The following CNTNAP2 variants were observed in gnomAD, a reference collection of about 807,000 sequenced individuals.
The protein encoded by CNTNAP2 is contactin associated protein 2.
A neutral mutation model predicts 155.2 loss-of-function variants in CNTNAP2; 98 were observed. The ratio of observed to expected loss-of-function variants is 0.63; its 90% CI spans 0.54 to 0.75. The LOEUF is 0.75. Ranked by LOEUF, CNTNAP2 falls within the 30% of genes least tolerant of loss-of-function variation. The probability of loss-of-function intolerance (pLI) is 0.00; values close to 1 mark genes in which losing one functional copy is unlikely to be tolerated. For missense variants in CNTNAP2, 1,727 were observed against 1,688.1 expected (o/e 1.02, Z -0.40); for synonymous variants, 651 against 631.2 (o/e 1.03, Z -0.47).
At chr7:147,692,732 ATAG>A (rs1484709489) in intron 13 of CNTNAP2, among the ~76,000 whole-genome samples, 1 of 151,896 alleles carries the variant, frequency 6.6e-6, no homozygotes, top group Non-Finnish European at 1.5e-5. Context: ...TTTTTTCGGT[ATAG>A]TTTGGATGAC....
intron 1 of CNTNAP2, among the ~76,000 whole-genome samples, chr7:146,496,389 G>A (rs564212806): frequency 2.0e-5 from 3 of 152,268 alleles, no homozygotes; most frequent in African/African-American, 7.2e-5. Flanking sequence ...TACATTCACC[G>A]ATTTAGCAAA....
chr7:147,141,779 A>AT (rs1801602747), intron 8 of CNTNAP2, among the ~76,000 whole-genome samples: 1 of 152,132 alleles, frequency 6.6e-6, no homozygotes, highest in South Asian at 2.1e-4. Context: ...GACATCAATG[A>AT]TGTCCTTATC....
At chr7:148,263,234 C>G (rs1223664324) in intron 20 of CNTNAP2, 2 of 152,110 alleles carry the variant, frequency 1.3e-5, no homozygotes, top group African/African-American at 4.8e-5. Context: ...CCTAACTGAG[C>G]AGGTAATTTG....
At chr7:148,222,848 T>G (rs1340222163) in intron 19 of CNTNAP2, among the ~76,000 whole-genome samples, 1 of 152,224 alleles carries the variant, frequency 6.6e-6, no homozygotes, top group Non-Finnish European at 1.5e-5. Context: ...GATGGTGGCC[T>G]GTAGAGCTGG....
chr7:146,570,355 T>A (rs1386184556), intron 1 of CNTNAP2, among the ~76,000 whole-genome samples: 2 of 152,186 alleles, frequency 1.3e-5, no homozygotes, highest in African/African-American at 4.8e-5. Context: ...GATATTTTGG[T>A]CCCACTATTC....
At chr7:146,876,926 A>G (rs886549869) in intron 3 of CNTNAP2, among the ~76,000 whole-genome samples, 17 of 152,146 alleles carry the variant, frequency 1.1e-4, no homozygotes, top group Non-Finnish European at 2.4e-4. Flanking sequence ...CTTAGTGCAA[A>G]AATCATTTTA....
chr7:146,248,446 G>A (rs971305197), intron 1 of CNTNAP2, among the ~76,000 whole-genome samples: 1 of 152,162 alleles, frequency 6.6e-6, no homozygotes, highest in East Asian at 1.9e-4. Flanking sequence ...CGCATCCCTG[G>A]AATGATTAAA....
chr7:147,256,388 A>G (rs1428415651), intron 8 of CNTNAP2, among the ~76,000 whole-genome samples: 3 of 152,116 alleles, frequency 2.0e-5, no homozygotes, highest in Non-Finnish European at 2.9e-5. Flanking sequence ...TCATTTAGGG[A>G]CATTTAACAT....
intron 1 of CNTNAP2, among the ~76,000 whole-genome samples, chr7:146,401,942 TA>T (rs1348493642): frequency 6.6e-6 from 1 of 152,202 alleles, no homozygotes; most frequent in Non-Finnish European, 1.5e-5. Flanking sequence ...TTAAGAAATA[TA>T]TTTCTCATAT....
intron 2 of CNTNAP2, among the ~76,000 whole-genome samples, chr7:146,804,317 T>C (rs1802931223): frequency 6.6e-6 from 1 of 152,208 alleles, no homozygotes; most frequent in African/African-American, 2.4e-5. Context: ...TTATTGATCA[T>C]GCTCATTTAT....
At chr7:146,308,557 A>G (rs962381201) in intron 1 of CNTNAP2, among the ~76,000 whole-genome samples, 3 of 151,492 alleles carry the variant, frequency 2.0e-5, no homozygotes, top group African/African-American at 7.2e-5. Context: ...TATTCACAAT[A>G]GCAAAGACTT....
At position 148,066,180 on chromosome 7, in the gene CNTNAP2, A is replaced by G. The variant is rs139425034; in HGVS notation, c.2384-51938A>G. 5.4e-3 allele frequency among the ~76,000 whole-genome samples: 815 copies of G among 152,296 alleles called. 6 individuals carry two copies. The highest frequency in any genetic ancestry group is 0.02 in the Middle Eastern group (6 of 294). On this transcript the variant is annotated intron_variant, in intron 15 of 23. Transcript: ENST00000361727. ...GTTAATCTGATAGGTTTTCCTTTACAGGTTACCTGATGTTTTTGCCTCACA... is the reference window on the plus strand; with the variant it reads ...GTTAATCTGATAGGTTTTCCTTTACGGGTTACCTGATGTTTTTGCCTCACA...
intron 1 of CNTNAP2, among the ~76,000 whole-genome samples, chr7:146,148,654 A>G (rs547702836): frequency 6.6e-6 from 1 of 152,306 alleles, no homozygotes; most frequent in African/African-American, 2.4e-5. Context: ...GTTTTTTATC[A>G]TTTGTCAACA....
intron 3 of CNTNAP2, among the ~76,000 whole-genome samples, chr7:146,963,792 A>G (rs966882611): frequency 6.6e-6 from 1 of 152,210 alleles, no homozygotes; most frequent in African/African-American, 2.4e-5. Flanking sequence ...AAGCATTGCT[A>G]TCTGAGTAGA....
At chr7:147,364,095 T>A (rs886706609) in intron 9 of CNTNAP2, among the ~76,000 whole-genome samples, 10 of 152,314 alleles carry the variant, frequency 6.6e-5, no homozygotes, top group Middle Eastern at 3.4e-3. Flanking sequence ...GGTTAACAGA[T>A]TTTAAGATAT....
At chr7:147,662,840 G>A (rs1207291985) in intron 13 of CNTNAP2, among the ~76,000 whole-genome samples, 5 of 152,172 alleles carry the variant, frequency 3.3e-5, no homozygotes, top group Admixed American at 6.5e-5. Flanking sequence ...TACAACCAAC[G>A]AAAGCCGACA....
chr7:147,943,510 G>C (rs1048085090), intron 14 of CNTNAP2, among the ~76,000 whole-genome samples: 3 of 152,008 alleles, frequency 2.0e-5, no homozygotes, highest in African/African-American at 7.2e-5. Context: ...GCTCACGCTT[G>C]TAAATCCCAG....
chr7:146,903,629 A>G (rs1274684980), intron 3 of CNTNAP2, among the ~76,000 whole-genome samples: 1 of 152,146 alleles, frequency 6.6e-6, no homozygotes, highest in Non-Finnish European at 1.5e-5. Flanking sequence ...TCCTGTTGCA[A>G]TCTCCTTTAG....
chr7:146,548,413 T>C (rs774264553), intron 1 of CNTNAP2, among the ~76,000 whole-genome samples: 1 of 152,032 alleles, frequency 6.6e-6, no homozygotes, highest in African/African-American at 2.4e-5. Flanking sequence ...TTGTGAATAG[T>C]GCTGCAAAGA....
Sources: gnomAD v4.1 joint callset for allele counts (sites outside exome capture counted in the v4.1 genomes callset) on GRCh38, gnomAD v4.1.1 for gene constraint, MANE v1.5 for transcripts, NCBI Gene and HGNC (gene_info 2026-07-23, HGNC 2026-07-21) for gene names.